The following ZNF600 variants were observed in gnomAD, a reference collection of about 807,000 sequenced individuals.
ZNF600 encodes zinc finger protein 600.
In ZNF600, 4 loss-of-function variants were observed where a neutral mutation model predicts 7.3. That is an observed-to-expected ratio of 0.55 (90% confidence interval 0.27 to 1.25). The LOEUF is 1.25. ZNF600 is among the 50% of genes most tolerant of loss of function. The pLI is 0.12. For synonymous variants in ZNF600, 290 were observed against 308.9 expected, an observed-to-expected ratio of 0.94 and a Z score of 0.64; for missense variants, 911 against 922.1, an observed-to-expected ratio of 0.99 and a Z score of 0.16.
the ZNF600 span, among the ~76,000 whole-genome samples, chr19:52,828,581 G>A: frequency 6.6e-6 from 1 of 152,244 alleles, no homozygotes; most frequent in East Asian, 1.9e-4. Context: ...ATTTCCCTTA[G>A]TTATCTAGTT....
intron 2 of ZNF600, among the ~76,000 whole-genome samples, chr19:52,778,601 C>A (rs1164880658): frequency 6.6e-6 from 1 of 152,154 alleles, no homozygotes; most frequent in African/African-American, 2.4e-5. Context: ...TAGGTGTGAG[C>A]CCTTCCCAGG....
the ZNF600 span, chr19:52,809,791 C>CG: frequency 1.0e-5 from 5 of 502,296 alleles, no homozygotes; most frequent in South Asian, 7.8e-5. Flanking sequence ...GGTGACAGAG[C>CG]GAAAAAAAAG....
exon 4 of ZNF600, chr19:52,764,935 T>C (rs549964731): frequency 5.9e-6 from 1 of 170,594 alleles, no homozygotes; most frequent in African/African-American, 2.4e-5. Context: ...GTGGCTGACA[T>C]CTGTTGGCCA....
chr19:52,800,570 G>A, the ZNF600 span: 11 of 1,613,012 alleles, frequency 6.8e-6, no homozygotes, highest in Non-Finnish European at 3.4e-6. Flanking sequence ...GTTTTGCCAG[G>A]TATGAATTAT....
the ZNF600 span, among the ~76,000 whole-genome samples, chr19:52,795,864 CTT>C: frequency 7.5e-5 from 10 of 133,254 alleles, no homozygotes; most frequent in Non-Finnish European, 9.5e-5. Flanking sequence ...CAGCACCTGG[CTT>C]TTTTTTTTTT....
chr19:52,770,700 A>T (rs1426951795), intron 3 of ZNF600, among the ~76,000 whole-genome samples: 1 of 152,204 alleles, frequency 6.6e-6, no homozygotes, highest in African/African-American at 2.4e-5. Context: ...CCGAATGTTC[A>T]CCTTGGCTAA....
the ZNF600 span, chr19:52,818,007 T>C: frequency 2.5e-6 from 4 of 1,609,382 alleles, no homozygotes; most frequent in Non-Finnish European, 3.4e-6. Context: ...CTTCCTCACG[T>C]ACCAAGATTC....
intron 3 of ZNF600, among the ~76,000 whole-genome samples, chr19:52,769,627 G>A (rs952928110): frequency 2.6e-5 from 4 of 152,104 alleles, no homozygotes; most frequent in East Asian, 1.9e-4. Context: ...GTGGTCCCCC[G>A]GGCCCAGCTG....
chr19:52,801,649 T>G, the ZNF600 span: 11 of 1,613,544 alleles, frequency 6.8e-6, no homozygotes, highest in Non-Finnish European at 9.3e-6. Flanking sequence ...AACGCTTCTG[T>G]ATTGCCTTGC....
At chr19:52,765,951 C>G in exon 4 of ZNF600, 1 of 1,614,198 alleles carries the variant, frequency 6.2e-7, no homozygotes. Flanking sequence ...AGTGTGAATT[C>G]TGGTATGTCT....
At chr19:52,772,228 A>T (rs1340999515) in intron 3 of ZNF600, among the ~76,000 whole-genome samples, 1 of 152,112 alleles carries the variant, frequency 6.6e-6, no homozygotes, top group Non-Finnish European at 1.5e-5. Context: ...CAATCACTTG[A>T]ACCCAGGAAG....
intron 3 of ZNF600, 133 bp downstream of exon 5, chr19:52,774,429 CAAACAAAAAAACA>C (rs1237809135): frequency 5.7e-5 from 50 of 871,344 alleles, no homozygotes; most frequent in East Asian, 1.3e-4. Flanking sequence ...AGATCCATCT[CAAACAAAAAAACA>C]AAACAAAAAA....
At chr19:52,817,111 G>A in the ZNF600 span, among the ~76,000 whole-genome samples, 9 of 152,096 alleles carry the variant, frequency 5.9e-5, no homozygotes, top group Non-Finnish European at 1.0e-4. Flanking sequence ...GGTGGCTCAC[G>A]CTTGTAATCC....
the ZNF600 span, among the ~76,000 whole-genome samples, chr19:52,832,982 G>A: frequency 6.6e-6 from 1 of 152,032 alleles, no homozygotes; most frequent in African/African-American, 2.4e-5. Context: ...ACATGGGCCA[G>A]GCTGGTCTCA....
chr19:52,817,112 C>G, the ZNF600 span, among the ~76,000 whole-genome samples: 1 of 152,128 alleles, frequency 6.6e-6, no homozygotes, highest in Non-Finnish European at 1.5e-5. Context: ...GTGGCTCACG[C>G]TTGTAATCCC....
chr19:52,811,338 T>G, the ZNF600 span, among the ~76,000 whole-genome samples: 1 of 148,688 alleles, frequency 6.7e-6, no homozygotes, highest in South Asian at 2.1e-4. Flanking sequence ...GAGGAGCGAC[T>G]CTGCCTGGCC....
At chr19:52,813,807 T>C in the ZNF600 span, among the ~76,000 whole-genome samples, 1 of 146,718 alleles carries the variant, frequency 6.8e-6, no homozygotes, top group Non-Finnish European at 1.5e-5. Context: ...TACCTTGTTT[T>C]GGGGGGTTTA....
chr19:52,809,822 A>AGGCAGCAGC, the ZNF600 span: 25 of 527,104 alleles, frequency 4.7e-5, no homozygotes, highest in Non-Finnish European at 6.4e-5. Context: ...TGAGCGGCGA[A>AGGCAGCAGC]GGCGGCGGCG....
chr19:52,798,606 GT>G, the ZNF600 span: 1 of 457,258 alleles, frequency 2.2e-6, no homozygotes, highest in East Asian at 6.0e-5. Flanking sequence ...ACACTTGTGA[GT>G]TTCTCTCCTG....
Sources: allele counts gnomAD v4.1 joint callset (sites outside exome capture counted in the v4.1 genomes callset), GRCh38; gene constraint gnomAD v4.1.1; transcripts MANE v1.5; gene names NCBI Gene and HGNC (gene_info 2026-07-23, HGNC 2026-07-21).